The following MEF2C variants were observed in gnomAD, a reference collection of about 807,000 sequenced individuals.
MEF2C encodes myocyte enhancer factor 2C.
A neutral mutation model predicts 50.5 loss-of-function variants in MEF2C; 6 were observed. The ratio of observed to expected loss-of-function variants is 0.12; its 90% CI spans 0.07 to 0.23. The LOEUF is 0.23. MEF2C is among the 10% of genes least tolerant of loss of function. MEF2C has a pLI of 1.00. For missense variants in MEF2C, 276 were observed against 605.0 expected (o/e 0.46, Z 5.70); for synonymous variants, 183 against 228.0 (o/e 0.80, Z 1.78).
Position 88,722,509 on chromosome 5 carries a change from G to A in MEF2C, c.*95C>T. ...CTGACTTTTTTTTTTTCCACACACG[G>A]CACATATAATGCATATCGACCCCCC... On this transcript the variant is annotated 3_prime_UTR_variant, in exon 11 of 11. Transcript: ENST00000504921. 9.0e-7 allele frequency: 1 copy of A among 1,114,156 alleles called. No individual in the cohort carries two copies. The highest frequency in any genetic ancestry group is 1.3e-6 in the Non-Finnish European group (1 of 780,516). The allele number at this position is 1,114,156 out of a possible 1,614,324, so 69.0% of individuals were successfully genotyped here. A position where few individuals can be genotyped will look rare whatever the true frequency, so the allele number is the denominator to read the frequency against.
At chr5:88,838,154 A>G (rs1207561720) in intron 1 of MEF2C, among the ~76,000 whole-genome samples, 1 of 152,164 alleles carries the variant, frequency 6.6e-6, no homozygotes, top group East Asian at 1.9e-4. Context: ...TATTCAAGGG[A>G]GTACTTAAAA....
At chr5:88,830,749 T>C (rs1055530646) in intron 1 of MEF2C, among the ~76,000 whole-genome samples, 14 of 152,070 alleles carry the variant, frequency 9.2e-5, no homozygotes, top group African/African-American at 3.4e-4. Flanking sequence ...GCAGCCACCA[T>C]GTTTTCTTTC....
intron 10 of MEF2C, among the ~76,000 whole-genome samples, chr5:88,726,805 A>G (rs1405510147): frequency 6.6e-6 from 1 of 152,172 alleles, no homozygotes; most frequent in Non-Finnish European, 1.5e-5. Context: ...TTGTAATAGA[A>G]AAGAGTTTTA....
chr5:88,869,486 T>C lies in MEF2C; in HGVS notation c.-143+13469A>G, dbSNP rs1381594991. On this transcript the variant is annotated intron_variant, in intron 1 of 10. Coordinates refer to ENST00000504921, the MANE Select transcript of MEF2C (RefSeq NM_002397.5). ...ATGCTAAAACTAGCACTTAAGTACCTTTTTAAAGCCTTCAATTCTGGGAGA... is the reference window on the plus strand; with the variant it reads ...ATGCTAAAACTAGCACTTAAGTACCCTTTTAAAGCCTTCAATTCTGGGAGA... Among the ~76,000 whole-genome samples the C allele has an allele frequency of 2.0e-5, 3 of 151,514 alleles. No homozygotes were observed. The South Asian group carries it at 6.2e-4, about 32-fold the overall frequency.
At chr5:88,736,828 C>G in intron 6 of MEF2C, 9 of 985,376 alleles carry the variant, frequency 9.1e-6, no homozygotes, top group Non-Finnish European at 1.1e-5. Flanking sequence ...CACAGCCTGC[C>G]TTATGGTCCT....
intron 6 of MEF2C, chr5:88,746,638 T>G (rs1769812193): frequency 1.0e-6 from 1 of 985,444 alleles, no homozygotes; most frequent in Non-Finnish European, 1.2e-6. Flanking sequence ...TCTCTGAAAA[T>G]GTAGCAACAT....
chr5:88,865,787 T>C (rs1229994079), intron 1 of MEF2C, among the ~76,000 whole-genome samples: 2 of 152,182 alleles, frequency 1.3e-5, no homozygotes, highest in African/African-American at 4.8e-5. Context: ...CACACAAAAC[T>C]TCCCCGCCAG....
chr5:88,733,803 C>A, intron 6 of MEF2C: 1 of 985,306 alleles, frequency 1.0e-6, no homozygotes, highest in Non-Finnish European at 1.2e-6. Context: ...ATAAAGCAAA[C>A]TGGACACCCC....
chr5:88,853,588 G>T (rs2153395222), intron 1 of MEF2C, among the ~76,000 whole-genome samples: 1 of 152,274 alleles, frequency 6.6e-6, no homozygotes, highest in South Asian at 2.1e-4. Flanking sequence ...AAGACTGCTG[G>T]TGAAAAGTAA....
chr5:88,813,092 C>G (rs1213379307), intron 2 of MEF2C, among the ~76,000 whole-genome samples: 6 of 152,086 alleles, frequency 3.9e-5, no homozygotes, highest in Non-Finnish European at 7.4e-5. Flanking sequence ...GACAGTAAAT[C>G]AAAGCTACTT....
At chr5:88,851,204 G>C (rs981681003) in intron 1 of MEF2C, among the ~76,000 whole-genome samples, 2 of 136,192 alleles carry the variant, frequency 1.5e-5, no homozygotes, top group Non-Finnish European at 3.0e-5. Context: ...CTGCACTCCA[G>C]CCTGGTGACA....
intron 1 of MEF2C, among the ~76,000 whole-genome samples, chr5:88,830,875 C>T (rs148692144): frequency 6.6e-6 from 1 of 152,202 alleles, no homozygotes; most frequent in East Asian, 1.9e-4. Flanking sequence ...CAGCTCTAAC[C>T]TCTCAGTAAG....
chr5:88,724,486 T>C (rs1156568149), intron 10 of MEF2C, among the ~76,000 whole-genome samples: 1 of 152,134 alleles, frequency 6.6e-6, no homozygotes, highest in Non-Finnish European at 1.5e-5. Flanking sequence ...GAATTATTTG[T>C]TTCCTTAATA....
At chr5:88,804,861 T>G in intron 2 of MEF2C, 60 bp from the exon 3 acceptor site, 1 of 1,404,920 alleles carries the variant, frequency 7.1e-7, no homozygotes, top group Non-Finnish European at 9.8e-7. Context: ...GTGGTTTTTT[T>G]CTTTTCTTTT....
At chr5:88,752,829 T>C in intron 4 of MEF2C, 1 of 893,190 alleles carries the variant, frequency 1.1e-6, no homozygotes, top group Non-Finnish European at 1.3e-6. Context: ...CAAAATCATG[T>C]TTATGTTTCT....
Position 88,761,344 on chromosome 5 carries a change from T to C in MEF2C, c.259-16A>G, listed in dbSNP as rs1777752148. On this transcript the variant is annotated splice_polypyrimidine_tract_variant and intron_variant, in intron 3 of 10. Transcript: ENST00000504921. ...TTCTCAACGTCTGAAATACATAATT[T>C]GGAAAGTTCAAACCTAGACAAAGGC... is the stretch of plus-strand genomic sequence containing the variant. 1 of 1,607,364 alleles carries C rather than the reference T, an allele frequency of 6.2e-7. No individual in the cohort carries two copies. The highest frequency in any genetic ancestry group is 8.5e-7 in the Non-Finnish European group (1 of 1,176,934).
At chr5:88,891,328 T>A (rs958727480) in intron 1 of MEF2C, among the ~76,000 whole-genome samples, 1 of 151,820 alleles carries the variant, frequency 6.6e-6, no homozygotes, top group South Asian at 2.1e-4. Context: ...GATAAAGATA[T>A]CGGAGACATT....
chr5:88,774,876 GCTTT>G (rs1455438446), intron 3 of MEF2C, among the ~76,000 whole-genome samples: 7 of 152,146 alleles, frequency 4.6e-5, no homozygotes, highest in Non-Finnish European at 8.8e-5. Context: ...CATTCCAGTG[GCTTT>G]CTTTATTTAA....
At position 88,735,215 on chromosome 5, in the gene MEF2C, C is replaced by T. The variant is rs546314930; in HGVS notation, c.638-3314G>A. The T allele has an allele frequency of 2.2e-5, 22 of 985,348 alleles. No homozygotes were observed. In the South Asian group the frequency reaches 3.3e-4, roughly 15 times the overall value. 61.0% of individuals were successfully genotyped at this position (985,348 alleles called of 1,614,324 possible). On this transcript the variant is annotated intron_variant, in intron 6 of 10. Transcript: ENST00000504921. ...AGCCTCCTCCTCACTCAGAATGCTG[C>T]GGCCTGTGTTGAGCCTGTTGTCCCA... is the stretch of plus-strand genomic sequence containing the variant.
Sources: gnomAD v4.1 joint callset for allele counts (sites outside exome capture counted in the v4.1 genomes callset) on GRCh38, gnomAD v4.1.1 for gene constraint, MANE v1.5 for transcripts, NCBI Gene and HGNC (gene_info 2026-07-23, HGNC 2026-07-21) for gene names.